FAM227B: variants seen among roughly 807,000 people sequenced by gnomAD.
The protein encoded by FAM227B is family with sequence similarity 227 member B, also known as protein FAM227B.
In FAM227B, 88 loss-of-function variants were observed where a neutral mutation model predicts 73.8. The observed-to-expected ratio is 1.19, with a 90% CI of 1.00 to 1.42. The LOEUF is 1.42. FAM227B is among the 40% of genes most tolerant of loss of function. The pLI is 0.00. For missense variants in FAM227B, 632 were observed against 590.9 expected (o/e 1.07, Z -0.72); for synonymous variants, 210 against 190.5 (o/e 1.10, Z -0.84).
intron 5 of FAM227B, among the ~76,000 whole-genome samples, chr15:49,579,159 A>G (rs1053494020): frequency 6.6e-6 from 1 of 152,194 alleles, no homozygotes; most frequent in Non-Finnish European, 1.5e-5. Context: ...AACAAATGCT[A>G]GTAAGGATGA....
intron 11 of FAM227B, among the ~76,000 whole-genome samples, chr15:49,389,700 AACTC>A (rs201365505): frequency 0.013 from 2,038 of 152,154 alleles, 19 homozygotes; most frequent in Non-Finnish European, 0.019. Flanking sequence ...TATAAATGCA[AACTC>A]ACTATTAGTT....
chr15:49,517,910 T>C (rs1480557931), intron 10 of FAM227B, among the ~76,000 whole-genome samples: 1 of 152,184 alleles, frequency 6.6e-6, no homozygotes, highest in African/African-American at 2.4e-5. Flanking sequence ...ATCTGGCTTT[T>C]TCTTTTTGTT....
chr15:49,594,010 T>C (rs2076744184), intron 3 of FAM227B, among the ~76,000 whole-genome samples: 1 of 152,162 alleles, frequency 6.6e-6, no homozygotes, highest in African/African-American at 2.4e-5. Context: ...CTCCATACTG[T>C]TTTCCATAGT....
In FAM227B at chr15:49,353,492, A is replaced by C. The variant is rs564709641; in HGVS notation, c.1271+13956T>G. On this transcript the variant is annotated intron_variant, in intron 13 of 15. Coordinates refer to ENST00000299338, the MANE Select transcript of FAM227B (RefSeq NM_152647.3). The stretch of plus-strand genomic sequence containing the variant: ...AGGCCTGTATGTTTTGAACAAAAAT[A>C]TACTTTTAAGATAGCTCACATTTCA... 8 of 152,296 alleles carry C rather than the reference A, an allele frequency of 5.3e-5. No individual in the cohort carries two copies. The East Asian group carries it at 1.2e-3, about 22-fold the overall frequency. 9.4% of individuals were successfully genotyped at this position (152,296 alleles called of 1,614,324 possible). A position where few individuals can be genotyped will look rare whatever the true frequency, so the allele number is the denominator to read the frequency against.
chr15:49,339,689 G>A (rs2151210233), intron 13 of FAM227B, among the ~76,000 whole-genome samples: 1 of 152,324 alleles, frequency 6.6e-6, no homozygotes, highest in Admixed American at 6.5e-5. Context: ...GAGCTGCCAA[G>A]TATGGACGTT....
chr15:49,337,488 C>CTTCGTTTGAAAAA (rs1432899704), intron 13 of FAM227B, among the ~76,000 whole-genome samples: 1 of 18,398 alleles, frequency 5.4e-5, no homozygotes, highest in East Asian at 7.6e-4. Context: ...CTTGCAATGT[C>CTTCGTTTGAAAAA]TGTTCATATC....
At chr15:49,377,970 T>C (rs2046279883) in intron 11 of FAM227B, among the ~76,000 whole-genome samples, 1 of 152,148 alleles carries the variant, frequency 6.6e-6, no homozygotes. Context: ...TGATGTTTTC[T>C]TGCAGTAGTT....
At chr15:49,514,719 A>G (rs2152130103) in intron 10 of FAM227B, among the ~76,000 whole-genome samples, 1 of 152,138 alleles carries the variant, frequency 6.6e-6, no homozygotes, top group South Asian at 2.1e-4. Flanking sequence ...TTTCATTTCT[A>G]TTAACAGTGC....
intron 11 of FAM227B, among the ~76,000 whole-genome samples, chr15:49,420,493 A>T (rs1362057439): frequency 1.3e-5 from 2 of 152,242 alleles, no homozygotes; most frequent in Non-Finnish European, 2.9e-5. Flanking sequence ...ATACATATAC[A>T]CACAAACATA....
intron 11 of FAM227B, among the ~76,000 whole-genome samples, chr15:49,498,262 TCA>T (rs565418244): frequency 7.9e-5 from 12 of 152,354 alleles, no homozygotes; most frequent in African/African-American, 2.9e-4. Context: ...CTAGCACTGA[TCA>T]GTTATGTGGC....
In FAM227B at chr15:49,575,030, C is replaced by T; in HGVS notation, c.626G>A (p.Trp209Ter). 1 of 1,584,924 alleles carries T rather than the reference C, an allele frequency of 6.3e-7. No homozygotes were observed. ...CTATACCCTAAATTTATGGAGAAAC[C>T]ACCACCAAAAGGAGTCATGCAAAAG... ...IALLHDSFWWWFLHKFRPDRE... is the reference protein window; with the variant it reads ...IALLHDSFWW Residue 209 changes from tryptophan to a stop codon, truncating the protein, a stop_gained, in exon 8 of 16, where the codon TGG becomes TAG. Coordinates refer to ENST00000299338, the MANE Select transcript of FAM227B (RefSeq NM_152647.3). LOFTEE classifies it high-confidence loss of function.
intron 11 of FAM227B, among the ~76,000 whole-genome samples, chr15:49,504,388 C>T (rs935864846): frequency 6.6e-6 from 1 of 150,902 alleles, no homozygotes; most frequent in African/African-American, 2.4e-5. Flanking sequence ...AACAAACCTG[C>T]ACGTTGTGCA....
intron 9 of FAM227B, among the ~76,000 whole-genome samples, chr15:49,545,660 G>C (rs1256657067): frequency 6.6e-6 from 1 of 152,032 alleles, no homozygotes; most frequent in Non-Finnish European, 1.5e-5. Flanking sequence ...CATGGCTTTT[G>C]CTGTGTCCCA....
chr15:49,482,776 G>A (rs2056064747), intron 11 of FAM227B, among the ~76,000 whole-genome samples: 1 of 151,968 alleles, frequency 6.6e-6, no homozygotes, highest in Non-Finnish European at 1.5e-5. Flanking sequence ...ATGAGTAAAT[G>A]AGTTAATACA....
chr15:49,461,335 T>C (rs17479589), intron 11 of FAM227B, among the ~76,000 whole-genome samples: 38,665 of 152,202 alleles, frequency 0.25, 5,774 homozygotes, highest in Non-Finnish European at 0.35. Context: ...CAATGTTAGA[T>C]ACTGAGTAGG....
intron 11 of FAM227B, among the ~76,000 whole-genome samples, chr15:49,401,754 A>C (rs1424369803): frequency 7.4e-6 from 1 of 135,464 alleles, no homozygotes; most frequent in African/African-American, 2.7e-5. Flanking sequence ...CGCAAGAACA[A>C]AAAACCAAAC....
intron 11 of FAM227B, among the ~76,000 whole-genome samples, chr15:49,419,772 A>AT (rs1454267752): frequency 9.2e-5 from 14 of 151,420 alleles, no homozygotes; most frequent in South Asian, 4.2e-4. Flanking sequence ...TTTTATTATT[A>AT]TTATTTTTTT....
chr15:49,365,525 T>C (rs1376784989), intron 13 of FAM227B: 2 of 852,150 alleles, frequency 2.3e-6, no homozygotes, highest in African/African-American at 1.7e-5. Flanking sequence ...GGTACTCTGA[T>C]GACTACTGGC....
chr15:49,615,385 T>A, intron 1 of FAM227B, 142 bp from the exon 2 acceptor site: 1 of 581,290 alleles, frequency 1.7e-6, no homozygotes, highest in Non-Finnish European at 3.1e-6. Context: ...CATGTTGAAC[T>A]GTTGGAATCC....
Sources: allele counts gnomAD v4.1 joint callset (sites outside exome capture counted in the v4.1 genomes callset), GRCh38; gene constraint gnomAD v4.1.1; transcripts MANE v1.5; gene names NCBI Gene and HGNC (gene_info 2026-07-23, HGNC 2026-07-21).